Variants in MACROD2 observed in about 807,000 individuals in gnomAD.
MACROD2 encodes ADP-ribose glycohydrolase MACROD2.
MACROD2 carries 36 observed loss-of-function variants against 70.4 expected under a neutral mutation model. The observed-to-expected ratio is 0.51, with a 90% CI of 0.39 to 0.68. MACROD2 has a LOEUF of 0.68. MACROD2 is among the 30% of genes least tolerant of loss of function. The probability of loss-of-function intolerance (pLI) is 0.00; values close to 1 mark genes in which losing one functional copy is unlikely to be tolerated. For missense variants in MACROD2, 496 were observed against 538.4 expected (o/e 0.92, Z 0.78); for synonymous variants, 172 against 178.8 (o/e 0.96, Z 0.30).
chr20:15,823,316 G>GTGTGTGTA (rs139668215), intron 8 of MACROD2, among the ~76,000 whole-genome samples: 1,781 of 148,124 alleles, frequency 0.012, 32 homozygotes, highest in South Asian at 0.029. Context: ...GTGTGTGTGT[G>GTGTGTGTA]TGTGTCTATA....
chr20:15,858,940 C>CAA (rs1305438175), intron 8 of MACROD2, among the ~76,000 whole-genome samples: 3 of 152,104 alleles, frequency 2.0e-5, no homozygotes, highest in Non-Finnish European at 4.4e-5. Flanking sequence ...CCAGTGCAGT[C>CAA]AAAAATCCAT....
At chr20:14,921,566 A>C (rs1282889027) in intron 5 of MACROD2, among the ~76,000 whole-genome samples, 1 of 152,176 alleles carries the variant, frequency 6.6e-6, no homozygotes, top group Non-Finnish European at 1.5e-5. Context: ...TTGCATACCT[A>C]AAGGCTAATT....
chr20:14,470,995 C>T (rs1054905622), intron 3 of MACROD2, among the ~76,000 whole-genome samples: 1 of 152,166 alleles, frequency 6.6e-6, no homozygotes, highest in Non-Finnish European at 1.5e-5. Context: ...GCAGGTAGCT[C>T]GGTGTCTTCC....
intron 7 of MACROD2, among the ~76,000 whole-genome samples, chr20:15,469,286 G>A (rs1386315850): frequency 6.6e-6 from 1 of 152,316 alleles, no homozygotes. Flanking sequence ...GGTGGGAAAT[G>A]GGGATGATCT....
chr20:15,677,895 A>T (rs1011389977), intron 8 of MACROD2, among the ~76,000 whole-genome samples: 1 of 152,078 alleles, frequency 6.6e-6, no homozygotes, highest in African/African-American at 2.4e-5. Context: ...GGTAAACCCC[A>T]TCTCTACTAA....
chr20:14,302,658 TG>T (rs748910260), intron 3 of MACROD2, among the ~76,000 whole-genome samples: 21 of 151,244 alleles, frequency 1.4e-4, no homozygotes, highest in Middle Eastern at 3.4e-3. Flanking sequence ...GTGTTTTTTT[TG>T]TTGTTGTTTT....
intron 3 of MACROD2, among the ~76,000 whole-genome samples, chr20:14,418,865 G>T (rs6079429): frequency 1.3e-5 from 2 of 151,844 alleles, no homozygotes; most frequent in Admixed American, 1.3e-4. Flanking sequence ...TTATTTGAAC[G>T]CTCCCTTCCT....
At chr20:15,712,764 C>G (rs2050646361) in intron 8 of MACROD2, among the ~76,000 whole-genome samples, 1 of 152,214 alleles carries the variant, frequency 6.6e-6, no homozygotes, top group South Asian at 2.1e-4. Flanking sequence ...AGAACACCAT[C>G]CATATACTAG....
At chr20:15,469,024 A>G (rs991207632) in intron 7 of MACROD2, among the ~76,000 whole-genome samples, 5 of 152,206 alleles carry the variant, frequency 3.3e-5, no homozygotes, top group African/African-American at 4.8e-5. Context: ...GATCACTAGA[A>G]TATAGAAGAT....
At chr20:15,147,788 AAG>A (rs1318996065) in intron 5 of MACROD2, among the ~76,000 whole-genome samples, 9 of 152,200 alleles carry the variant, frequency 5.9e-5, no homozygotes, top group South Asian at 2.1e-4. Flanking sequence ...TGAGTCTGAA[AAG>A]AGAGTCAGTG....
chr20:14,904,464 G>C (rs980915257), intron 5 of MACROD2, among the ~76,000 whole-genome samples: 1 of 151,950 alleles, frequency 6.6e-6, no homozygotes, highest in African/African-American at 2.4e-5. Context: ...AAAATATATA[G>C]GTGGGTACAT....
intron 3 of MACROD2, chr20:14,327,182 A>G (rs571028191): frequency 1.2e-6 from 2 of 1,613,618 alleles, no homozygotes; most frequent in Admixed American, 1.7e-5. Context: ...TGCAAATGTA[A>G]CTCTTTTACA....
chr20:15,860,419 G>T (rs931726037), intron 8 of MACROD2, among the ~76,000 whole-genome samples: 2 of 152,060 alleles, frequency 1.3e-5, no homozygotes, highest in African/African-American at 4.8e-5. Context: ...TTCTGATCAC[G>T]TAAAGCCTGG....
intron 8 of MACROD2, among the ~76,000 whole-genome samples, chr20:15,738,776 A>C (rs532656984): frequency 6.6e-6 from 1 of 152,208 alleles, no homozygotes; most frequent in South Asian, 2.1e-4. Context: ...TGTCACAGGA[A>C]GTGGATCTTG....
intron 6 of MACROD2, among the ~76,000 whole-genome samples, chr20:15,301,091 A>C (rs943441337): frequency 1.2e-4 from 19 of 152,198 alleles, no homozygotes; most frequent in African/African-American, 4.6e-4. Flanking sequence ...ACAGCGAGCA[A>C]GGTGACAGCT....
intron 8 of MACROD2, among the ~76,000 whole-genome samples, chr20:15,612,941 G>C (rs530955284): frequency 1.3e-5 from 2 of 152,158 alleles, no homozygotes; most frequent in Non-Finnish European, 2.9e-5. Context: ...ACAGTGGAAG[G>C]ACAGCATGAT....
chr20:15,227,596 A>G (rs1037431645), intron 5 of MACROD2, among the ~76,000 whole-genome samples: 2 of 152,154 alleles, frequency 1.3e-5, no homozygotes, highest in Non-Finnish European at 2.9e-5. Flanking sequence ...GTCTTCAACA[A>G]TGGGAACAAG....
intron 3 of MACROD2, among the ~76,000 whole-genome samples, chr20:14,248,627 C>T (rs2081986375): frequency 6.6e-6 from 1 of 151,754 alleles, no homozygotes; most frequent in East Asian, 1.9e-4. Flanking sequence ...GTAAAATTAC[C>T]CTCAGGCTAT....
chr20:14,171,851 A>G (rs146764632), intron 3 of MACROD2, among the ~76,000 whole-genome samples: 75 of 152,264 alleles, frequency 4.9e-4, no homozygotes, highest in African/African-American at 1.7e-3. Flanking sequence ...TGTTAAGTCC[A>G]TTTGTTCTAA....
Sources: gnomAD v4.1 joint callset for allele counts (sites outside exome capture counted in the v4.1 genomes callset) on GRCh38, gnomAD v4.1.1 for gene constraint, MANE v1.5 for transcripts, NCBI Gene and HGNC (gene_info 2026-07-23, HGNC 2026-07-21) for gene names.